Variants in POLR1D observed in about 807,000 individuals in gnomAD.
The protein encoded by POLR1D is DNA-directed RNA polymerases I and III subunit RPAC2.
Under a neutral mutation model 10.8 loss-of-function variants are expected in POLR1D, and 8 were observed. That is an observed-to-expected ratio of 0.74 (90% CI 0.43 to 1.33). POLR1D has a LOEUF of 1.33. Among genes scored for constraint, POLR1D ranks in the 40% most tolerant of loss-of-function variants. The pLI is 0.01. For missense variants in POLR1D, 152 were observed against 161.7 expected (o/e 0.94, Z 0.32); for synonymous variants, 54 against 57.2 (o/e 0.94, Z 0.25).
intron 1 of POLR1D, among the ~76,000 whole-genome samples, chr13:27,641,892 A>C (rs1956177027): frequency 6.6e-6 from 1 of 152,162 alleles, no homozygotes; most frequent in Admixed American, 6.5e-5. Flanking sequence ...AGTTGGTGGG[A>C]GTGTCTAAGC....
At chr13:27,639,974 G>T (rs1956159899) in intron 1 of POLR1D, among the ~76,000 whole-genome samples, 3 of 152,114 alleles carry the variant, frequency 2.0e-5, no homozygotes, top group Admixed American at 1.3e-4. Flanking sequence ...GATTGCCTGG[G>T]TTCACATCCC....
At chr13:27,641,754 G>A (rs140554232) in intron 1 of POLR1D, among the ~76,000 whole-genome samples, 4 of 152,322 alleles carry the variant, frequency 2.6e-5, no homozygotes, top group Non-Finnish European at 5.9e-5. Context: ...GATCGGGAAA[G>A]GCTTGGTGGA....
intron 1 of POLR1D, among the ~76,000 whole-genome samples, chr13:27,638,718 G>T (rs1369735086): frequency 6.6e-6 from 1 of 152,194 alleles, no homozygotes; most frequent in Non-Finnish European, 1.5e-5. Context: ...CCTCGGGGCT[G>T]AGATCCAAGA....
chr13:27,640,773 A>C (rs1214817466), intron 1 of POLR1D, among the ~76,000 whole-genome samples: 1 of 152,196 alleles, frequency 6.6e-6, no homozygotes, highest in Non-Finnish European at 1.5e-5. Flanking sequence ...GGTTTATAGA[A>C]CATATAACCT....
intron 1 of POLR1D, among the ~76,000 whole-genome samples, chr13:27,639,794 G>A (rs1190441488): frequency 6.6e-6 from 1 of 152,194 alleles, no homozygotes; most frequent in African/African-American, 2.4e-5. Context: ...CGAAGTCCAG[G>A]TGAGGGGACT....
intron 1 of POLR1D, among the ~76,000 whole-genome samples, chr13:27,641,934 G>T (rs7317895): frequency 0.02 from 3,106 of 152,238 alleles, 88 homozygotes; most frequent in African/African-American, 0.069. Flanking sequence ...CAGAGCCAAG[G>T]CCCTAGATGT....
chr13:27,632,486 A>G (rs1484107065), intron 1 of POLR1D, among the ~76,000 whole-genome samples: 1 of 152,186 alleles, frequency 6.6e-6, no homozygotes, highest in Non-Finnish European at 1.5e-5. Flanking sequence ...TTTAAGGTCC[A>G]TTTGTTTTCC....
chr13:27,635,593 T>C (rs1956115186), intron 1 of POLR1D, among the ~76,000 whole-genome samples: 1 of 151,808 alleles, frequency 6.6e-6, no homozygotes, highest in African/African-American at 2.4e-5. Flanking sequence ...TACATAACTA[T>C]CAATAGTCTA....
At chr13:27,629,816 G>A (rs1157453002) in intron 1 of POLR1D, among the ~76,000 whole-genome samples, 1 of 152,200 alleles carries the variant, frequency 6.6e-6, no homozygotes, top group Non-Finnish European at 1.5e-5. Flanking sequence ...ATGGGTACCT[G>A]GCTTGGTGCC....
At chr13:27,623,757 G>A (rs1451571493), downstream of POLR1D, among the ~76,000 whole-genome samples, 2 of 152,154 alleles carry the variant, frequency 1.3e-5, no homozygotes, top group African/African-American at 4.8e-5. Flanking sequence ...TGCTGTGATT[G>A]GTAGACTTGG....
upstream of POLR1D, chr13:27,621,888 C>G (rs535423507): frequency 3.0e-6 from 4 of 1,324,406 alleles, no homozygotes; most frequent in African/African-American, 1.5e-5. Context: ...TTCCGTCGGT[C>G]GGTCCTTGCT....
At chr13:27,650,073 C>G (rs1956252545) in intron 2 of POLR1D, 2 of 398,312 alleles carry the variant, frequency 5.0e-6, no homozygotes, top group Non-Finnish European at 8.9e-6. Context: ...AAACTAAAAT[C>G]AGCCAAAATA....
chr13:27,637,350 A>G lies in POLR1D; in HGVS notation c.27-11029A>G, dbSNP rs145257008. 1.9e-4 allele frequency among the ~76,000 whole-genome samples: 29 copies of G among 152,270 alleles called. No homozygotes were observed. The East Asian group carries it at 4.2e-3, about 22-fold the overall frequency. ...TTCCTCCTGTGCTGTTGAATTCAGC[A>G]TCTGTAAGAATGTGTTTGCATTGTA... is the stretch of plus-strand genomic sequence containing the variant. On this transcript the variant is annotated intron_variant, in intron 1 of 2. Coordinates refer to the POLR1D transcript ENST00000399697.
intron 1 of POLR1D, among the ~76,000 whole-genome samples, chr13:27,637,220 A>G (rs1956132828): frequency 6.6e-6 from 1 of 152,186 alleles, no homozygotes; most frequent in Admixed American, 6.5e-5. Context: ...GATTAATCGT[A>G]ATAGAATTTT....
At chr13:27,652,907 A>AC (rs1365436145) in intron 2 of POLR1D, among the ~76,000 whole-genome samples, 1 of 78,522 alleles carries the variant, frequency 1.3e-5, no homozygotes, top group Non-Finnish European at 2.4e-5. Context: ...TGCATTTACC[A>AC]TTTCTTTTTT....
At chr13:27,627,038 T>C (rs1593277915), downstream of POLR1D, among the ~76,000 whole-genome samples, 1 of 152,184 alleles carries the variant, frequency 6.6e-6, no homozygotes, top group Non-Finnish European at 1.5e-5. Context: ...AACACGTTAT[T>C]CAGATTTTAG....
At chr13:27,632,475 A>G (rs1268835154) in intron 1 of POLR1D, among the ~76,000 whole-genome samples, 6 of 152,176 alleles carry the variant, frequency 3.9e-5, no homozygotes, top group Admixed American at 2.0e-4. Flanking sequence ...TCCAGCAGCT[A>G]TTTAAGGTCC....
intron 1 of POLR1D, among the ~76,000 whole-genome samples, chr13:27,633,786 T>C (rs1026311897): frequency 2.6e-5 from 4 of 152,244 alleles, no homozygotes; most frequent in Admixed American, 2.6e-4. Flanking sequence ...CATCTAACAT[T>C]ATTTCAGATC....
chr13:27,661,695 G>A (rs1199817120), intron 2 of POLR1D, among the ~76,000 whole-genome samples: 1 of 152,254 alleles, frequency 6.6e-6, no homozygotes, highest in Non-Finnish European at 1.5e-5. Flanking sequence ...CGGGGGAGGC[G>A]GGAAATGGCA....
Sources: gnomAD v4.1 joint callset for allele counts (sites outside exome capture counted in the v4.1 genomes callset) on GRCh38, gnomAD v4.1.1 for gene constraint, MANE v1.5 for transcripts, NCBI Gene and HGNC (gene_info 2026-07-23, HGNC 2026-07-21) for gene names.